Variants in SPOCK3 observed in about 807,000 individuals in gnomAD.
The protein encoded by SPOCK3 is testican-3.
Under a neutral mutation model 56.6 loss-of-function variants are expected in SPOCK3, and 30 were observed. The observed-to-expected ratio is 0.53, with a 90% CI of 0.40 to 0.72. SPOCK3 has a LOEUF of 0.72. Ranked by LOEUF, SPOCK3 falls within the 30% of genes least tolerant of loss-of-function variation. SPOCK3 has a pLI of 0.00. For synonymous variants in SPOCK3, 196 were observed against 183.3 expected, an observed-to-expected ratio of 1.07 and a Z score of -0.56; for missense variants, 527 against 530.0, an observed-to-expected ratio of 0.99 and a Z score of 0.06.
At chr4:167,116,605 C>CGTATATAG (rs1761375497) in intron 2 of SPOCK3, among the ~76,000 whole-genome samples, 2 of 131,812 alleles carry the variant, frequency 1.5e-5, no homozygotes, top group African/African-American at 2.8e-5. Flanking sequence ...TACATATATA[C>CGTATATAG]TATATACGTA....
At chr4:167,083,057 C>T (rs1472584953) in intron 2 of SPOCK3, among the ~76,000 whole-genome samples, 1 of 152,024 alleles carries the variant, frequency 6.6e-6, no homozygotes, top group African/African-American at 2.4e-5. Flanking sequence ...TTTCAGACAA[C>T]GTCGTTGTAA....
At chr4:167,021,852 C>A (rs527932115) in intron 3 of SPOCK3, among the ~76,000 whole-genome samples, 2 of 152,154 alleles carry the variant, frequency 1.3e-5, no homozygotes, top group Admixed American at 6.6e-5. Flanking sequence ...GTTTTTTAAT[C>A]TCTCAGTAAT....
At chr4:166,950,130 C>T (rs1742362384) in intron 4 of SPOCK3, among the ~76,000 whole-genome samples, 1 of 151,452 alleles carries the variant, frequency 6.6e-6, no homozygotes, top group Non-Finnish European at 1.5e-5. Flanking sequence ...AATTAAAAGA[C>T]ACAGACTGGC....
At chr4:166,823,814 C>T (rs545505716) in intron 6 of SPOCK3, among the ~76,000 whole-genome samples, 3 of 152,088 alleles carry the variant, frequency 2.0e-5, no homozygotes, top group Non-Finnish European at 4.4e-5. Context: ...CAGGCTGAGA[C>T]TCATTACCTC....
chr4:167,060,610 G>C (rs886734300), intron 3 of SPOCK3, among the ~76,000 whole-genome samples: 7 of 152,054 alleles, frequency 4.6e-5, no homozygotes, highest in African/African-American at 1.7e-4. Context: ...CAAAACTTGA[G>C]ATCAGATAGT....
At chr4:166,893,162 A>C (rs1022622251) in intron 5 of SPOCK3, among the ~76,000 whole-genome samples, 2 of 152,126 alleles carry the variant, frequency 1.3e-5, no homozygotes, top group African/African-American at 4.8e-5. Context: ...CCCCCCTGCC[A>C]GAACAAAGAT....
intron 6 of SPOCK3, among the ~76,000 whole-genome samples, chr4:166,870,893 TAGTG>T (rs1262297510): frequency 6.6e-6 from 1 of 152,076 alleles, no homozygotes; most frequent in South Asian, 2.1e-4. Flanking sequence ...CTTCTCATGA[TAGTG>T]AGTAAGTTCT....
At chr4:167,145,606 A>G (rs1763879784) in intron 2 of SPOCK3, among the ~76,000 whole-genome samples, 1 of 152,100 alleles carries the variant, frequency 6.6e-6, no homozygotes, top group African/African-American at 2.4e-5. Flanking sequence ...TCAGAAGCCA[A>G]CTGAAGAGGG....
chr4:167,097,182 T>C (rs1353528210), intron 2 of SPOCK3, among the ~76,000 whole-genome samples: 2 of 151,856 alleles, frequency 1.3e-5, no homozygotes, highest in Non-Finnish European at 2.9e-5. Flanking sequence ...CACCATATAG[T>C]TGGGCTTTGG....
chr4:167,022,592 T>G (rs180799810), intron 3 of SPOCK3, among the ~76,000 whole-genome samples: 1 of 152,088 alleles, frequency 6.6e-6, no homozygotes, highest in East Asian at 1.9e-4. Context: ...AAAGATACAA[T>G]TGAAAGTACA....
At chr4:167,187,887 A>G (rs1370324415) in intron 2 of SPOCK3, among the ~76,000 whole-genome samples, 1 of 152,174 alleles carries the variant, frequency 6.6e-6, no homozygotes, top group African/African-American at 2.4e-5. Context: ...GATAATGTAC[A>G]AATATGAAGT....
chr4:166,864,261 C>G (rs185282743), intron 6 of SPOCK3, among the ~76,000 whole-genome samples: 2 of 152,240 alleles, frequency 1.3e-5, no homozygotes, highest in Admixed American at 1.3e-4. Context: ...GTACCAGAAT[C>G]TCTAGGACAC....
In SPOCK3 at chr4:166,748,658, C is replaced by A. The variant is rs1304874290; in HGVS notation, c.931+5850G>T. 2.2e-5 allele frequency among the ~76,000 whole-genome samples: 3 copies of A among 137,326 alleles called. 1 individual carries two copies. Among genetic ancestry groups the A allele is most frequent in the Middle Eastern group, 3.4e-3 (1 of 290 alleles). The allele number at this position is 137,326 out of a possible 152,430, so 90.1% of individuals were successfully genotyped here. A position where few individuals can be genotyped will look rare whatever the true frequency, so the allele number is the denominator to read the frequency against. ...AATGGGATCTAATTAAACTTAAGAT[C>A]TTCTTCACAGCAAAAGAAACTTCCT... On this transcript the variant is annotated intron_variant, in intron 8 of 10. Coordinates refer to ENST00000357545, the MANE Select transcript of SPOCK3 (RefSeq NM_001040159.2).
intron 2 of SPOCK3, among the ~76,000 whole-genome samples, chr4:167,101,411 TG>T (rs1270130930): frequency 6.6e-6 from 1 of 152,102 alleles, no homozygotes; most frequent in African/African-American, 2.4e-5. Flanking sequence ...TCAAAATCCT[TG>T]GTAATTTCAT....
At chr4:167,195,687 C>T (rs1470425783) in intron 2 of SPOCK3, among the ~76,000 whole-genome samples, 6 of 152,114 alleles carry the variant, frequency 3.9e-5, no homozygotes, top group African/African-American at 7.2e-5. Context: ...TGGTAGATGA[C>T]GCTGGAGGTA....
chr4:167,061,367 T>C lies in SPOCK3; in HGVS notation c.235+1125A>G, dbSNP rs367850247. On this transcript the variant is annotated intron_variant, in intron 3 of 10. Coordinates refer to ENST00000357545, the MANE Select transcript of SPOCK3 (RefSeq NM_001040159.2). ...TGACTTATTAGTAACAAATTCAAAA[T>C]TAATTCTTTTAGAATTTTAAAATGC... Among the ~76,000 whole-genome samples the C allele has an allele frequency of 2.2e-4, 34 of 152,132 alleles. No individual in the cohort carries two copies. The East Asian group carries it at 4.5e-3, about 20-fold the overall frequency.
At chr4:166,858,011 A>G (rs1730868070) in intron 6 of SPOCK3, among the ~76,000 whole-genome samples, 1 of 152,226 alleles carries the variant, frequency 6.6e-6, no homozygotes, top group South Asian at 2.1e-4. Flanking sequence ...GAATTCTAAC[A>G]TTAACAAAGC....
At chr4:166,791,387 C>T (rs1036734194) in intron 7 of SPOCK3, among the ~76,000 whole-genome samples, 3 of 152,140 alleles carry the variant, frequency 2.0e-5, no homozygotes, top group Non-Finnish European at 2.9e-5. Flanking sequence ...TGTCACACAT[C>T]TGGTTCTTCT....
At chr4:166,985,775 T>C (rs557846619) in intron 4 of SPOCK3, among the ~76,000 whole-genome samples, 4 of 152,310 alleles carry the variant, frequency 2.6e-5, no homozygotes, top group East Asian at 1.9e-4. Flanking sequence ...ATTTATTCTA[T>C]GAAGCTAAAT....
Sources: gnomAD v4.1 joint callset for allele counts (sites outside exome capture counted in the v4.1 genomes callset) on GRCh38, gnomAD v4.1.1 for gene constraint, MANE v1.5 for transcripts, NCBI Gene and HGNC (gene_info 2026-07-23, HGNC 2026-07-21) for gene names.